C22orf23: variants seen among roughly 807,000 people sequenced by gnomAD.
The protein encoded by C22orf23 is UPF0193 protein EVG1.
In C22orf23, 30 loss-of-function variants were observed where a neutral mutation model predicts 29.7. That is an observed-to-expected ratio of 1.01 (90% confidence interval 0.76 to 1.37). The LOEUF (loss-of-function observed/expected upper bound fraction) is 1.37, where lower values mean the gene tolerates loss of function less well. C22orf23 is among the 40% of genes most tolerant of loss of function. The probability of loss-of-function intolerance (pLI) is 0.00; values close to 1 mark genes in which losing one functional copy is unlikely to be tolerated. For missense variants in C22orf23, 237 were observed against 273.1 expected (o/e 0.87, Z 0.93); for synonymous variants, 90 against 96.1 (o/e 0.94, Z 0.37).
rs1235479347 is a variant in C22orf23 at position 37,944,192 on chromosome 22, C to T, written c.637G>A (p.Gly213Ser). 1.2e-6 allele frequency: 2 copies of T among 1,614,162 alleles called. No homozygotes were observed. Among genetic ancestry groups the T allele is most frequent in the African/African-American group, 2.7e-5 (2 of 75,034 alleles). Residue 213 changes from glycine to serine, a missense_variant, in exon 7 of 7, where the codon GGT becomes AGT. By Grantham distance (56) the Gly-to-Ser change is moderately conservative. Transcript: ENST00000403305. ...GAGACAGATTAAGTGGTGGCAAGAC[C>T]CTTCCTAAGTTCCTCACTCCTTCTG... ...DHRRSEELRKGLATT is the reference protein window; with the variant it reads ...DHRRSEELRKSLATT
intron 3 of C22orf23, 105 bp from the exon 4 acceptor site, chr22:37,947,568 C>A (rs558643506): frequency 4.1e-6 from 4 of 979,754 alleles, no homozygotes; most frequent in African/African-American, 3.9e-5. Context: ...TGGAGTGCAG[C>A]GGCGCGATCT....
chr22:37,949,192 C>T (rs1039986314), intron 3 of C22orf23, among the ~76,000 whole-genome samples: 6 of 152,064 alleles, frequency 3.9e-5, no homozygotes, highest in East Asian at 1.9e-4. Context: ...TGGGGCTTCT[C>T]CCCCAGGCGA....
rs577797274 is a variant in C22orf23, at chr22:37,944,386, C to G, written c.582+31G>C. ...ATTCGCACTTGGCGCTGGGCCCTTCCCCTCCCCACTTTCCTGGTTGTTTCT... is the reference window on the plus strand; with the variant it reads ...ATTCGCACTTGGCGCTGGGCCCTTCGCCTCCCCACTTTCCTGGTTGTTTCT... On this transcript the variant is annotated intron_variant, in intron 6 of 6. Transcript: ENST00000403305. 238 of 1,613,822 alleles carry G rather than the reference C, an allele frequency of 1.5e-4. 3 individuals are homozygous for G. In the South Asian group the frequency reaches 1.8e-3, roughly 12 times the overall value.
chr22:37,946,128 A>G lies in C22orf23; in HGVS notation c.350-955T>C, dbSNP rs536062812. On this transcript the variant is annotated intron_variant, in intron 4 of 6. Coordinates refer to ENST00000403305, the MANE Select transcript of C22orf23 (RefSeq NM_032561.5). Reference sequence around the variant, plus strand: ...AAAAAAATTAGCCCGGCGTGATGGCAGGTGCCTGTAGTCCCAGCTACTCGG... The same window carrying G: ...AAAAAAATTAGCCCGGCGTGATGGCGGGTGCCTGTAGTCCCAGCTACTCGG... Among the ~76,000 whole-genome samples the G allele has an allele frequency of 4.6e-3, 692 of 151,976 alleles. 5 individuals are homozygous for G. Among genetic ancestry groups the G allele is most frequent in the Admixed American group, 0.016 (250 of 15,262 alleles).
intron 4 of C22orf23, among the ~76,000 whole-genome samples, chr22:37,946,383 G>GCC (rs1456146025): frequency 6.6e-6 from 1 of 151,492 alleles, no homozygotes; most frequent in East Asian, 2.0e-4. Flanking sequence ...CCGAGATCGT[G>GCC]CCACTGTACT....
At chr22:37,947,216 G>A in intron 4 of C22orf23, 65 bp downstream of exon 4, 1 of 1,560,392 alleles carries the variant, frequency 6.4e-7, no homozygotes, top group Non-Finnish European at 8.8e-7. Flanking sequence ...TGGGCTGCTT[G>A]CGTCCCTCTC....
At chr22:37,944,645 A>C in intron 5 of C22orf23, 128 bp from the exon 6 acceptor site, 1 of 778,528 alleles carries the variant, frequency 1.3e-6, no homozygotes, top group Non-Finnish European at 2.1e-6. Flanking sequence ...TCACGCCTAT[A>C]ATCCCAGCAC....
At chr22:37,945,011 C>T in intron 5 of C22orf23, 31 bp downstream of exon 5, 2 of 1,565,778 alleles carry the variant, frequency 1.3e-6, no homozygotes, top group Non-Finnish European at 8.6e-7. Flanking sequence ...TTACCCCCAC[C>T]CCCAGCATGA....
chr22:37,952,569 C>A (rs1205049550), intron 2 of C22orf23: 5 of 115,794 alleles, frequency 4.3e-5, no homozygotes, highest in Non-Finnish European at 6.5e-5. Context: ...AAGGCATATG[C>A]AGTAGAATTT....
intron 4 of C22orf23, 82 bp downstream of exon 4, chr22:37,947,199 T>TG: frequency 6.9e-7 from 1 of 1,450,092 alleles, no homozygotes; most frequent in Non-Finnish European, 9.6e-7. Context: ...CCTTCCCACC[T>TG]GCCCTGTGGG....
In C22orf23 at chr22:37,945,085, T is replaced by TGCAGGAGG; in HGVS notation, c.430_437dup (p.Arg147LeufsTer12). 1 of 1,613,728 alleles carries TGCAGGAGG rather than the reference T, an allele frequency of 6.2e-7. No individual in the cohort carries two copies. Among genetic ancestry groups the TGCAGGAGG allele is most frequent in the South Asian group, 1.1e-5 (1 of 91,052 alleles). On this transcript the variant is annotated frameshift_variant, in exon 5 of 7. Transcript: ENST00000403305. LOFTEE classifies it high-confidence loss of function. ...GCTCAGGGGCTGGAGCCTTCTGTCG[T>TGCAGGAGG]GCAGGAGGGGCCTTTCTTTTCCGTT...
In C22orf23 at chr22:37,945,094, G is replaced by A. The variant is rs1356192396; in HGVS notation, c.429C>T (p.Ala143=). The change falls in exon 5 of 7, where the codon GCC becomes GCT. Residue 143 remains alanine (A), a synonymous_variant. Transcript: ENST00000403305. ...CTGGAGCCTTCTGTCGTGCAGGAGGGGCCTTTCTTTTCCGTTCCTCCATGT... is the reference window on the plus strand; with the variant it reads ...CTGGAGCCTTCTGTCGTGCAGGAGGAGCCTTTCTTTTCCGTTCCTCCATGT... ...GKDMEERKRK[A]PPARQKAPAP... is the part of the protein sequence containing the mutation. The A allele has an allele frequency of 2.5e-6, 4 of 1,613,626 alleles. No individual in the cohort carries two copies. The highest frequency in any genetic ancestry group is 3.4e-6 in the Non-Finnish European group (4 of 1,179,878).
chr22:37,953,313 GAC>G (rs1931188446), intron 1 of C22orf23, 133 bp downstream of exon 1: 2 of 607,624 alleles, frequency 3.3e-6, no homozygotes, highest in Admixed American at 2.9e-5. Flanking sequence ...CTCCCATCCA[GAC>G]ACACAGATAC....
At position 37,944,078 on chromosome 22, in the gene C22orf23, G is replaced by T. The variant is rs1930545199; in HGVS notation, c.*97C>A. ...ATGCCACCACCTGACGTGGCAGAAG[G>T]CTGGTAGGATGGGCTGGCCTGAGGA... is the stretch of plus-strand genomic sequence containing the variant. On this transcript the variant is annotated 3_prime_UTR_variant, in exon 7 of 7. Coordinates refer to ENST00000403305, the MANE Select transcript of C22orf23 (RefSeq NM_032561.5). 8.8e-7 allele frequency: 1 copy of T among 1,137,038 alleles called. No individual in the cohort carries two copies. Among genetic ancestry groups the T allele is most frequent in the Non-Finnish European group, 1.3e-6 (1 of 745,788 alleles). The allele number at this position is 1,137,038 out of a possible 1,614,324, so 70.4% of individuals were successfully genotyped here.
rs747228293 is a variant in C22orf23 at position 37,943,887 on chromosome 22, A to T, written c.*288T>A. ...CTAAATGAACAGGCCACAGGTCAGA[A>T]GTGGTGGGAAGCAGGCCCAGTGGAT... On this transcript the variant is annotated 3_prime_UTR_variant, in exon 7 of 7. Transcript: ENST00000403305. 3 of 496,950 alleles carry T rather than the reference A, an allele frequency of 6.0e-6. No homozygotes were observed. The highest frequency in any genetic ancestry group is 1.9e-5 in the African/African-American group (1 of 52,266). The allele number at this position is 496,950 out of a possible 1,614,324, so 30.8% of individuals were successfully genotyped here. A position where few individuals can be genotyped will look rare whatever the true frequency, so the allele number is the denominator to read the frequency against.
intron 3 of C22orf23, among the ~76,000 whole-genome samples, chr22:37,949,269 C>G (rs1159046881): frequency 2.0e-5 from 3 of 150,802 alleles, no homozygotes; most frequent in Non-Finnish European, 3.0e-5. Context: ...CAGCTTAGAG[C>G]AGGTCCCATC....
chr22:37,947,334 A>G lies in C22orf23; in HGVS notation c.296T>C (p.Met99Thr), dbSNP rs377376822. 5 of 1,613,564 alleles carry G rather than the reference A, an allele frequency of 3.1e-6. No homozygotes were observed. The African/African-American group carries it at 6.7e-5, about 22-fold the overall frequency. Residue 99 changes from methionine to threonine, a missense_variant, in exon 4 of 7, where the codon ATG becomes ACG. Met to Thr is a moderately conservative substitution (Grantham distance 81). Transcript: ENST00000403305. The part of the protein sequence containing the change: ...AARPHLRPAN[M>T]CQANGAYSRE... ...GCTGTAGGCCCCATTGGCTTGACACATGTTGGCAGGCCGGAGGTGGGGACG... is the reference window on the plus strand; with the variant it reads ...GCTGTAGGCCCCATTGGCTTGACACGTGTTGGCAGGCCGGAGGTGGGGACG...
In C22orf23 at chr22:37,952,683, C is replaced by T. The variant is rs191117662; in HGVS notation, c.103+364G>A. The T allele has an allele frequency of 9.3e-5, 17 of 183,744 alleles. No individual in the cohort carries two copies. In the East Asian group the frequency reaches 2.7e-3, roughly 29 times the overall value. 11.4% of individuals were successfully genotyped at this position (183,744 alleles called of 1,614,324 possible). On this transcript the variant is annotated intron_variant, in intron 2 of 6. Transcript: ENST00000403305. ...GTTACAGAGGGTAACTACCACCATTCTTCTCTCATCCTTTAACTCAGGGGT... is the reference window on the plus strand; with the variant it reads ...GTTACAGAGGGTAACTACCACCATTTTTCTCTCATCCTTTAACTCAGGGGT...
upstream of C22orf23, chr22:37,953,612 A>T (rs528109225): frequency 8.4e-6 from 6 of 711,068 alleles, no homozygotes; most frequent in African/African-American, 7.2e-5. Flanking sequence ...AGAAACGCGC[A>T]CACACCAGTC....
Sources: gnomAD v4.1 joint callset for allele counts (sites outside exome capture counted in the v4.1 genomes callset) on GRCh38, gnomAD v4.1.1 for gene constraint, MANE v1.5 for transcripts, NCBI Gene and HGNC (gene_info 2026-07-23, HGNC 2026-07-21) for gene names.